The following TXNRD1 variants were observed in gnomAD, a reference collection of about 807,000 sequenced individuals.
The protein encoded by TXNRD1 is thioredoxin reductase 1, cytoplasmic.
A neutral mutation model predicts 80.3 loss-of-function variants in TXNRD1; 57 were observed. That is an observed-to-expected ratio of 0.71 (90% CI 0.57 to 0.89). The LOEUF (loss-of-function observed/expected upper bound fraction) is 0.89. Among genes scored for constraint, TXNRD1 ranks in the 40% least tolerant of loss-of-function variants. The pLI, the probability that TXNRD1 is intolerant of heterozygous loss-of-function variation, is 0.00. For synonymous variants in TXNRD1, 291 were observed against 285.2 expected (o/e 1.02, Z -0.20); for missense variants, 730 against 803.0 (o/e 0.91, Z 1.10).
chr12:104,348,433 GATGCTGTTGC>G lies in TXNRD1; in HGVS notation c.*13_*22del. The stretch of plus-strand genomic sequence containing the variant: ...GCTGCTGAGGTTAAGCCCCAGTGTG[GATGCTGTTGC>G]CAAGACTGCAAACCACTGGCTCGTT... On this transcript the variant is annotated 3_prime_UTR_variant, in exon 17 of 17. Coordinates refer to ENST00000525566, the MANE Select transcript of TXNRD1 (RefSeq NM_001093771.3). 6.2e-7 allele frequency: 1 copy of G among 1,613,836 alleles called. No individual in the cohort carries two copies. Among genetic ancestry groups the G allele is most frequent in the Non-Finnish European group, 8.5e-7 (1 of 1,179,776 alleles).
At chr12:104,320,783 A>G (rs1490765093) in intron 9 of TXNRD1, among the ~76,000 whole-genome samples, 3 of 152,144 alleles carry the variant, frequency 2.0e-5, no homozygotes, top group Non-Finnish European at 2.9e-5. Flanking sequence ...CAAATCTATA[A>G]TTTGTTCCAA....
chr12:104,339,113 C>G, intron 15 of TXNRD1, 26 bp from the exon 16 acceptor site: 1 of 1,612,986 alleles, frequency 6.2e-7, no homozygotes, highest in African/African-American at 1.3e-5. Flanking sequence ...AGCTTAATTG[C>G]ATTATTGTAT....
intron 3 of TXNRD1, among the ~76,000 whole-genome samples, chr12:104,278,501 A>T (rs1160906919): frequency 3.8e-5 from 4 of 105,128 alleles, no homozygotes; most frequent in Admixed American, 1.2e-4. Context: ...GCCCAGCCTA[A>T]TTTTTTTTTT....
chr12:104,312,467 CAG>C (rs1398865951), intron 5 of TXNRD1, among the ~76,000 whole-genome samples: 1 of 152,170 alleles, frequency 6.6e-6, no homozygotes, highest in Non-Finnish European at 1.5e-5. Flanking sequence ...TACTGCAGAC[CAG>C]TATGTAGCAT....
intron 9 of TXNRD1, 96 bp from the exon 10 acceptor site, chr12:104,320,995 T>A: frequency 2.3e-6 from 2 of 857,116 alleles, no homozygotes; most frequent in Non-Finnish European, 3.7e-6. Context: ...TGAAAGTATG[T>A]TCTTGTCAAA....
intron 2 of TXNRD1, among the ~76,000 whole-genome samples, chr12:104,257,208 A>C (rs1478164732): frequency 6.6e-6 from 1 of 151,758 alleles, no homozygotes; most frequent in African/African-American, 2.4e-5. Flanking sequence ...TACCAGTATA[A>C]TTTGTATAAC....
At chr12:104,294,631 T>G (rs2034376718) in intron 4 of TXNRD1, among the ~76,000 whole-genome samples, 1 of 152,196 alleles carries the variant, frequency 6.6e-6, no homozygotes, top group Non-Finnish European at 1.5e-5. Flanking sequence ...ACAGCTCGTG[T>G]CCTCTGTCTC....
At chr12:104,246,676 C>T (rs979923873) in intron 1 of TXNRD1, among the ~76,000 whole-genome samples, 1 of 151,284 alleles carries the variant, frequency 6.6e-6, no homozygotes, top group Non-Finnish European at 1.5e-5. Context: ...GCGTGCACCA[C>T]CATACCCAGC....
chr12:104,240,159 G>A (rs948599648), intron 1 of TXNRD1, among the ~76,000 whole-genome samples: 2 of 152,134 alleles, frequency 1.3e-5, no homozygotes, highest in Non-Finnish European at 2.9e-5. Flanking sequence ...GTATAGATTG[G>A]TAGGGTATCT....
At position 104,334,232 on chromosome 12, in the gene TXNRD1, C is replaced by G. The variant is rs774868677; in HGVS notation, c.1651-5C>G. 7.3e-6 allele frequency: 11 copies of G among 1,500,838 alleles called. No individual in the cohort carries two copies. The highest frequency in any genetic ancestry group is 1.4e-5 in the African/African-American group (1 of 70,644). 93.0% of individuals were successfully genotyped at this position (1,500,838 alleles called of 1,614,324 possible). ...GGTCTAAATTTTGCTTTTGTATCTT[C>G]TTAGGTTTACCATAGTTACTTTTGG... On this transcript the variant is annotated splice_polypyrimidine_tract_variant and splice_region_variant and intron_variant, in intron 14 of 16. Coordinates refer to ENST00000525566, the MANE Select transcript of TXNRD1 (RefSeq NM_001093771.3).
chr12:104,294,231 A>G (rs1565882836), intron 4 of TXNRD1, among the ~76,000 whole-genome samples: 2 of 79,626 alleles, frequency 2.5e-5, no homozygotes, highest in Admixed American at 1.5e-4. Flanking sequence ...CCCCGGGGAA[A>G]GGCCCCCCCC....
chr12:104,229,480 AT>A (rs1411225470), intron 1 of TXNRD1, among the ~76,000 whole-genome samples: 1 of 151,762 alleles, frequency 6.6e-6, no homozygotes, highest in Non-Finnish European at 1.5e-5. Flanking sequence ...TTAGCATAAT[AT>A]TTTCAAGGTT....
intron 10 of TXNRD1, 137 bp downstream of exon 10, chr12:104,321,453 G>C (rs2035529044): frequency 3.0e-6 from 2 of 665,030 alleles, no homozygotes; most frequent in Non-Finnish European, 5.2e-6. Context: ...TTGTATACTG[G>C]TATATAAACT....
chr12:104,323,382 G>A (rs1432434336), intron 10 of TXNRD1, among the ~76,000 whole-genome samples: 7 of 149,700 alleles, frequency 4.7e-5, no homozygotes, highest in South Asian at 2.1e-4. Flanking sequence ...AGGGGCGGCC[G>A]GGGCGGCTGG....
chr12:104,275,768 A>G (rs2033745435), intron 3 of TXNRD1, among the ~76,000 whole-genome samples: 1 of 152,112 alleles, frequency 6.6e-6, no homozygotes, highest in Non-Finnish European at 1.5e-5. Flanking sequence ...GAAAATCCAA[A>G]CTTCTAACCA....
intron 1 of TXNRD1, among the ~76,000 whole-genome samples, chr12:104,228,755 T>C (rs1328818463): frequency 6.6e-6 from 1 of 152,166 alleles, no homozygotes; most frequent in Non-Finnish European, 1.5e-5. Flanking sequence ...AGTCTCGCTC[T>C]GTTGCCCAGG....
intron 1 of TXNRD1, among the ~76,000 whole-genome samples, chr12:104,230,406 A>G (rs1305684568): frequency 6.6e-6 from 1 of 152,082 alleles, no homozygotes; most frequent in African/African-American, 2.4e-5. Flanking sequence ...ACTGTTTCCC[A>G]AAGTGTCTAT....
chr12:104,299,739 C>A (rs1403229143), intron 4 of TXNRD1, among the ~76,000 whole-genome samples: 2 of 148,822 alleles, frequency 1.3e-5, no homozygotes, highest in Non-Finnish European at 3.0e-5. Flanking sequence ...TGCACTCCAG[C>A]CTGGGTGACA....
At chr12:104,265,580 A>C in intron 3 of TXNRD1, 2 of 1,608,378 alleles carry the variant, frequency 1.2e-6, no homozygotes, top group Admixed American at 3.3e-5. Context: ...AGCGGCACCC[A>C]CAACATGTAC....
Sources: allele counts gnomAD v4.1 joint callset (sites outside exome capture counted in the v4.1 genomes callset), GRCh38; gene constraint gnomAD v4.1.1; transcripts MANE v1.5; gene names NCBI Gene and HGNC (gene_info 2026-07-23, HGNC 2026-07-21).